The following SLC29A3 variants were observed in gnomAD, a reference collection of about 807,000 sequenced individuals.
The protein encoded by SLC29A3 is solute carrier family 29 member 3.
In SLC29A3, 18 loss-of-function variants were observed where a neutral mutation model predicts 25.4. The ratio of observed to expected loss-of-function variants is 0.71; its 90% confidence interval spans 0.49 to 1.05. The LOEUF (loss-of-function observed/expected upper bound fraction) is 1.05, where lower values mean the gene tolerates loss of function less well. SLC29A3 is among the 50% of genes least tolerant of loss of function. SLC29A3 has a pLI of 0.00. For synonymous variants in SLC29A3, 258 were observed against 267.1 expected (o/e 0.97, Z 0.33); for missense variants, 586 against 609.0 (o/e 0.96, Z 0.40).
At chr10:71,346,077 A>G (rs1846569670) in intron 3 of SLC29A3, among the ~76,000 whole-genome samples, 1 of 152,160 alleles carries the variant, frequency 6.6e-6, no homozygotes, top group South Asian at 2.1e-4. Context: ...AGGCTGTGAC[A>G]TTGCCTCATT....
At chr10:71,361,701 T>G (rs1362009608) in intron 5 of SLC29A3, among the ~76,000 whole-genome samples, 1 of 152,228 alleles carries the variant, frequency 6.6e-6, no homozygotes, top group Non-Finnish European at 1.5e-5. Flanking sequence ...CATGCAGTGG[T>G]CAGTCCTGGT....
Position 71,351,541 on chromosome 10 carries a change from CT to C in SLC29A3, c.384-19del, listed in dbSNP as rs757767378. On this transcript the variant is annotated intron_variant, in intron 3 of 5. Transcript: ENST00000373189. Reference sequence around the variant, plus strand: ...GGAGCCCCGAAGGGGTGTCTAACTGCTTCTGGCATCCTCGCCCCAGGGTTGC... The same window carrying C: ...GGAGCCCCGAAGGGGTGTCTAACTGCTCTGGCATCCTCGCCCCAGGGTTGC... 6.2e-7 allele frequency: 1 copy of C among 1,612,404 alleles called. No individual in the cohort carries two copies. The highest frequency in any genetic ancestry group is 8.5e-7 in the Non-Finnish European group (1 of 1,178,492).
At chr10:71,331,356 C>G (rs1846113779) in intron 2 of SLC29A3, among the ~76,000 whole-genome samples, 1 of 152,114 alleles carries the variant, frequency 6.6e-6, no homozygotes, top group Non-Finnish European at 1.5e-5. Context: ...TAAATGGGAG[C>G]AGGACAATGA....
chr10:71,377,020 C>T (rs1426221149), intron 4 of SLC29A3, among the ~76,000 whole-genome samples: 1 of 152,222 alleles, frequency 6.6e-6, no homozygotes, highest in Admixed American at 6.5e-5. Flanking sequence ...AAGACCTCAC[C>T]CTCCCAAAGT....
At chr10:71,323,840 A>G (rs1845908190) in intron 2 of SLC29A3, among the ~76,000 whole-genome samples, 1 of 152,210 alleles carries the variant, frequency 6.6e-6, no homozygotes, top group Admixed American at 6.5e-5. Flanking sequence ...CAACGGCAGA[A>G]TGGGAGGAAA....
chr10:71,330,875 C>T (rs994548702), intron 2 of SLC29A3, among the ~76,000 whole-genome samples: 1 of 150,162 alleles, frequency 6.7e-6, no homozygotes. Flanking sequence ...TTTTTTTTTA[C>T]AGCCCAAAGA....
chr10:71,356,842 AC>A (rs1846926585), intron 5 of SLC29A3, among the ~76,000 whole-genome samples: 1 of 152,178 alleles, frequency 6.6e-6, no homozygotes, highest in Non-Finnish European at 1.5e-5. Context: ...GAACAAACAA[AC>A]AAAAGACAAA....
chr10:71,335,202 C>T (rs552056061), intron 2 of SLC29A3, among the ~76,000 whole-genome samples: 7 of 152,276 alleles, frequency 4.6e-5, no homozygotes, highest in African/African-American at 1.4e-4. Context: ...CCCAGCACTG[C>T]CCCCCATACT....
chr10:71,373,046 G>C (rs1847223414), intron 3 of SLC29A3, among the ~76,000 whole-genome samples: 1 of 152,160 alleles, frequency 6.6e-6, no homozygotes, highest in Admixed American at 6.5e-5. Flanking sequence ...GAGGGGTGCG[G>C]GGCTGCCTCC....
chr10:71,359,452 G>A lies in SLC29A3; in HGVS notation c.774-2502G>A, dbSNP rs80162919. Among the ~76,000 whole-genome samples the A allele has an allele frequency of 6.9e-3, 1,044 of 152,306 alleles. 12 individuals carry two copies. The highest frequency in any genetic ancestry group is 0.024 in the African/African-American group (994 of 41,542). ...GAACTTGGTGGGGAATTTCCTGAGA[G>A]CAGACTTAAGGCAAGGACCTGACGA... is the stretch of plus-strand genomic sequence containing the variant. On this transcript the variant is annotated intron_variant, in intron 5 of 5. Transcript: ENST00000373189.
intron 4 of SLC29A3, among the ~76,000 whole-genome samples, chr10:71,378,580 C>T (rs551603697): frequency 6.6e-6 from 1 of 152,356 alleles, no homozygotes; most frequent in Non-Finnish European, 1.5e-5. Flanking sequence ...AAACCAGCAG[C>T]AAACTGTACC....
intron 5 of SLC29A3, among the ~76,000 whole-genome samples, chr10:71,358,053 G>C (rs970064618): frequency 5.3e-5 from 8 of 152,190 alleles, no homozygotes; most frequent in Admixed American, 1.3e-4. Flanking sequence ...GTGCAGCTGT[G>C]ATCGTATTTT....
intron 2 of SLC29A3, among the ~76,000 whole-genome samples, chr10:71,331,760 C>T (rs1035039286): frequency 8.5e-5 from 13 of 152,214 alleles, no homozygotes; most frequent in African/African-American, 2.2e-4. Flanking sequence ...TATGAGGATG[C>T]GTCATGTCCT....
At chr10:71,359,419 G>A (rs957131535) in intron 5 of SLC29A3, among the ~76,000 whole-genome samples, 1 of 152,200 alleles carries the variant, frequency 6.6e-6, no homozygotes, top group Non-Finnish European at 1.5e-5. Context: ...GAAGAGCTGC[G>A]ACCAGAGGAA....
At chr10:71,343,978 C>G (rs1458462302) in intron 2 of SLC29A3, among the ~76,000 whole-genome samples, 2 of 152,192 alleles carry the variant, frequency 1.3e-5, no homozygotes, top group African/African-American at 4.8e-5. Context: ...TCCTATGCCT[C>G]TAGCACTTAG....
chr10:71,341,593 T>G (rs1412933433), intron 2 of SLC29A3, among the ~76,000 whole-genome samples: 2 of 152,188 alleles, frequency 1.3e-5, no homozygotes, highest in Non-Finnish European at 2.9e-5. Flanking sequence ...AAACCCTGAT[T>G]AGTAGGAACC....
At chr10:71,356,925 A>C (rs911363782) in intron 5 of SLC29A3, among the ~76,000 whole-genome samples, 4 of 152,200 alleles carry the variant, frequency 2.6e-5, no homozygotes, top group Non-Finnish European at 4.4e-5. Context: ...ACAGATTAGA[A>C]AACCAGGGTT....
chr10:71,331,109 C>A (rs1459816246), intron 2 of SLC29A3, among the ~76,000 whole-genome samples: 1 of 152,068 alleles, frequency 6.6e-6, no homozygotes, highest in Admixed American at 6.6e-5. Context: ...ATAATGCAAA[C>A]AACAGTTTCA....
chr10:71,332,726 T>G (rs1363133519), intron 2 of SLC29A3, among the ~76,000 whole-genome samples: 1 of 152,220 alleles, frequency 6.6e-6, no homozygotes, highest in African/African-American at 2.4e-5. Flanking sequence ...TAAAATCCCC[T>G]TGTCCACCCT....
Sources: allele counts gnomAD v4.1 joint callset (sites outside exome capture counted in the v4.1 genomes callset), GRCh38; gene constraint gnomAD v4.1.1; transcripts MANE v1.5; gene names NCBI Gene and HGNC (gene_info 2026-07-23, HGNC 2026-07-21).